Variants in PLXNA4 observed in about 807,000 individuals in gnomAD.
PLXNA4 encodes the protein plexin A4, also known as plexin-A4.
PLXNA4 carries 44 observed loss-of-function variants against 191.8 expected under a neutral mutation model. The observed-to-expected ratio is 0.23, with a 90% CI of 0.18 to 0.29. The LOEUF (loss-of-function observed/expected upper bound fraction) is 0.29, where lower values mean the gene tolerates loss of function less well. PLXNA4 is among the 10% of genes least tolerant of loss of function. The pLI, the probability that PLXNA4 is intolerant of heterozygous loss-of-function variation, is 1.00. For synonymous variants in PLXNA4, 1,082 were observed against 1,009.5 expected, an observed-to-expected ratio of 1.07 and a Z score of -1.36; for missense variants, 1,800 against 2,488.8, an observed-to-expected ratio of 0.72 and a Z score of 5.89.
chr7:132,326,676 G>A (rs945427000), intron 3 of PLXNA4, among the ~76,000 whole-genome samples: 9 of 152,168 alleles, frequency 5.9e-5, no homozygotes, highest in African/African-American at 9.6e-5. Flanking sequence ...CCCTGACTCC[G>A]AGTGCTGATG....
intron 1 of PLXNA4, among the ~76,000 whole-genome samples, chr7:132,556,072 C>T (rs1800789413): frequency 6.6e-6 from 1 of 152,222 alleles, no homozygotes; most frequent in South Asian, 2.1e-4. Flanking sequence ...GTCCTCTAAT[C>T]CCACTAGAAG....
intron 10 of PLXNA4, among the ~76,000 whole-genome samples, chr7:132,206,547 G>A (rs1797626061): frequency 6.6e-6 from 1 of 151,948 alleles, no homozygotes; most frequent in Non-Finnish European, 1.5e-5. Context: ...CATGTGCTGG[G>A]CATTTCTTTC....
At chr7:132,254,565 G>T (rs1490422274) in intron 4 of PLXNA4, among the ~76,000 whole-genome samples, 1 of 152,228 alleles carries the variant, frequency 6.6e-6, no homozygotes, top group African/African-American at 2.4e-5. Context: ...TCAGTGCTCA[G>T]CAACGTCCCT....
chr7:132,193,807 T>C (rs759258133), intron 14 of PLXNA4, among the ~76,000 whole-genome samples: 2 of 152,194 alleles, frequency 1.3e-5, no homozygotes, highest in Non-Finnish European at 2.9e-5. Context: ...CTGGGGACTC[T>C]GGGCCCTGAG....
At chr7:132,227,057 G>A (rs1218325830) in intron 7 of PLXNA4, among the ~76,000 whole-genome samples, 2 of 152,194 alleles carry the variant, frequency 1.3e-5, no homozygotes, top group Admixed American at 6.5e-5. Context: ...GTGGTCCAGG[G>A]TCAGAGATCG....
At chr7:132,626,726 C>T (rs1483686076) in intron 2 of PLXNA4, among the ~76,000 whole-genome samples, 1 of 152,130 alleles carries the variant, frequency 6.6e-6, no homozygotes, top group Non-Finnish European at 1.5e-5. Flanking sequence ...CCAGGTATTT[C>T]CTTATATCAA....
At chr7:132,534,631 GGGTTGGCT>G (rs1283549407) in intron 1 of PLXNA4, among the ~76,000 whole-genome samples, 1 of 152,228 alleles carries the variant, frequency 6.6e-6, no homozygotes, top group East Asian at 1.9e-4. Context: ...GATGGACACT[GGGTTGGCT>G]GGCACTCAAA....
chr7:132,625,067 T>C (rs1379930604), intron 2 of PLXNA4, among the ~76,000 whole-genome samples: 2 of 152,226 alleles, frequency 1.3e-5, no homozygotes, highest in African/African-American at 4.8e-5. Flanking sequence ...TATTTGGCCT[T>C]CACGATTTTT....
At chr7:132,423,254 C>T (rs530736226) in intron 3 of PLXNA4, among the ~76,000 whole-genome samples, 1 of 152,328 alleles carries the variant, frequency 6.6e-6, no homozygotes, top group South Asian at 2.1e-4. Flanking sequence ...CAGATTTAGT[C>T]CATATTTCTA....
At chr7:132,376,276 T>C (rs1453252718) in intron 3 of PLXNA4, among the ~76,000 whole-genome samples, 1 of 152,100 alleles carries the variant, frequency 6.6e-6, no homozygotes, top group Non-Finnish European at 1.5e-5. Flanking sequence ...GGGGAAAGCC[T>C]CTATTGCTCC....
chr7:132,331,006 G>C (rs922619791), intron 3 of PLXNA4, among the ~76,000 whole-genome samples: 7 of 152,092 alleles, frequency 4.6e-5, no homozygotes, highest in African/African-American at 1.4e-4. Context: ...AAGGTTCAAG[G>C]CTCCATTCGT....
intron 3 of PLXNA4, among the ~76,000 whole-genome samples, chr7:132,302,430 A>C (rs1801343358): frequency 6.6e-6 from 1 of 152,102 alleles, no homozygotes; most frequent in African/African-American, 2.4e-5. Context: ...GTTGGTGCTT[A>C]GTAAGTAATT....
intron 1 of PLXNA4, among the ~76,000 whole-genome samples, chr7:132,556,378 T>C (rs1173238065): frequency 6.6e-6 from 1 of 152,212 alleles, no homozygotes; most frequent in African/African-American, 2.4e-5. Context: ...CACACTGAGC[T>C]TCAAAAACAG....
chr7:132,451,019 A>C (rs1231641050), intron 3 of PLXNA4, among the ~76,000 whole-genome samples: 1 of 152,230 alleles, frequency 6.6e-6, no homozygotes, highest in East Asian at 1.9e-4. Context: ...CCACACCTTC[A>C]AGGTGTAGAT....
intron 1 of PLXNA4, among the ~76,000 whole-genome samples, chr7:132,532,038 T>A (rs1410945723): frequency 2.6e-5 from 4 of 152,238 alleles, no homozygotes; most frequent in African/African-American, 9.6e-5. Context: ...AGTCCAAAGT[T>A]TTTTTCACTA....
In PLXNA4 at chr7:132,409,530, G is replaced by A. The variant is rs77297456; in HGVS notation, c.1371+79762C>T. Among the ~76,000 whole-genome samples, 44 of 152,298 alleles carry A rather than the reference G, an allele frequency of 2.9e-4. No homozygotes were observed. In the East Asian group the frequency reaches 8.1e-3, roughly 28 times the overall value. ...CTCCTTCGATCATCCCAGAGTGGTT[G>A]AGTGGTTCACAGGGGAGGGGAAATG... On this transcript the variant is annotated intron_variant, in intron 3 of 31. Transcript: ENST00000321063.
At chr7:132,609,412 A>G (rs2116851822) in intron 2 of PLXNA4, among the ~76,000 whole-genome samples, 1 of 152,222 alleles carries the variant, frequency 6.6e-6, no homozygotes, top group Non-Finnish European at 1.5e-5. Flanking sequence ...CATATGGCTA[A>G]CCACAAGAGC....
Position 132,478,037 on chromosome 7 carries a change from C to T in PLXNA4, c.1371+11255G>A, listed in dbSNP as rs1366979054. On this transcript the variant is annotated intron_variant, in intron 3 of 31. Transcript: ENST00000321063. ...CCACAGCCTGGTTGAGGCAGGGAAG[C>T]CATCAGTACTATCAGCATCCCTCCA... 2.0e-5 allele frequency among the ~76,000 whole-genome samples: 3 copies of T among 152,166 alleles called. No homozygotes were observed. The East Asian group carries it at 5.8e-4, about 29-fold the overall frequency.
At chr7:132,460,209 T>G (rs1346669057) in intron 3 of PLXNA4, among the ~76,000 whole-genome samples, 1 of 151,906 alleles carries the variant, frequency 6.6e-6, no homozygotes, top group Non-Finnish European at 1.5e-5. Flanking sequence ...TTTTAAAAAC[T>G]TAGGCAGGCA....
Sources: allele counts gnomAD v4.1 joint callset (sites outside exome capture counted in the v4.1 genomes callset), GRCh38; gene constraint gnomAD v4.1.1; transcripts MANE v1.5; gene names NCBI Gene and HGNC (gene_info 2026-07-23, HGNC 2026-07-21).